The following COL5A2 variants were observed in gnomAD, a reference collection of about 807,000 sequenced individuals.
COL5A2 encodes the protein collagen alpha-2(V) chain.
Under a neutral mutation model 208.2 loss-of-function variants are expected in COL5A2, and 23 were observed. The ratio of observed to expected loss-of-function variants is 0.11; its 90% confidence interval spans 0.08 to 0.16. The LOEUF is 0.16. Among genes scored for constraint, COL5A2 ranks in the 10% least tolerant of loss-of-function variants. COL5A2 has a pLI of 1.00. For synonymous variants in COL5A2, 625 were observed against 628.5 expected, an observed-to-expected ratio of 0.99 and a Z score of 0.08; for missense variants, 1,590 against 1,956.4, an observed-to-expected ratio of 0.81 and a Z score of 3.53.
the COL5A2 span, among the ~76,000 whole-genome samples, chr2:189,317,172 A>G: frequency 6.6e-6 from 1 of 152,110 alleles, no homozygotes; most frequent in Non-Finnish European, 1.5e-5. Flanking sequence ...TATTAATCAA[A>G]ATGTCACAGA....
chr2:189,219,080 C>CA (rs1689315837), intron 1 of COL5A2, among the ~76,000 whole-genome samples: 1 of 152,050 alleles, frequency 6.6e-6, no homozygotes, highest in Non-Finnish European at 1.5e-5. Flanking sequence ...ACTGATGCAG[C>CA]AAAAAAATTG....
upstream of COL5A2, among the ~76,000 whole-genome samples, chr2:189,180,511 G>C (rs1204317846): frequency 2.0e-5 from 3 of 152,044 alleles, no homozygotes; most frequent in African/African-American, 7.2e-5. Flanking sequence ...TCTACCTTTG[G>C]ATGAAAAAAG....
chr2:189,342,197 C>CGTTTTTTT, the COL5A2 span, among the ~76,000 whole-genome samples: 1 of 135,564 alleles, frequency 7.4e-6, no homozygotes, highest in African/African-American at 2.7e-5. Context: ...CTAGTGTGCT[C>CGTTTTTTT]TTTTTTTTTT....
intron 1 of COL5A2, among the ~76,000 whole-genome samples, chr2:189,134,851 A>G (rs1187354989): frequency 7.9e-5 from 12 of 152,208 alleles, no homozygotes; most frequent in Admixed American, 7.9e-4. Context: ...ATTATTTAGA[A>G]AATGAAATTT....
At chr2:189,062,240 A>G (rs186766308) in intron 29 of COL5A2, among the ~76,000 whole-genome samples, 7 of 151,142 alleles carry the variant, frequency 4.6e-5, no homozygotes, top group Admixed American at 4.6e-4. Context: ...CTGGAGTGCA[A>G]CGGTGTAATT....
the COL5A2 span, among the ~76,000 whole-genome samples, chr2:189,348,892 T>C: frequency 5.9e-5 from 9 of 152,166 alleles, no homozygotes; most frequent in Admixed American, 5.2e-4. Flanking sequence ...TTACCAGCCA[T>C]CATTTTTAGT....
At chr2:189,438,926 C>T in the COL5A2 span, among the ~76,000 whole-genome samples, 1 of 152,154 alleles carries the variant, frequency 6.6e-6, no homozygotes, top group Non-Finnish European at 1.5e-5. Flanking sequence ...CTTATTACCT[C>T]TCTGACCTCA....
chr2:189,144,034 G>A (rs1194678056), intron 1 of COL5A2, among the ~76,000 whole-genome samples: 1 of 151,566 alleles, frequency 6.6e-6, no homozygotes, highest in Non-Finnish European at 1.5e-5. Flanking sequence ...TTTAGAGGAG[G>A]AAAAAAAAGA....
chr2:189,154,124 T>C (rs1305155867), intron 1 of COL5A2, among the ~76,000 whole-genome samples: 1 of 152,130 alleles, frequency 6.6e-6, no homozygotes, highest in Non-Finnish European at 1.5e-5. Context: ...CACACACACA[T>C]ACACACATAT....
At chr2:189,255,542 A>G in the COL5A2 span, among the ~76,000 whole-genome samples, 4 of 152,212 alleles carry the variant, frequency 2.6e-5, no homozygotes, top group Non-Finnish European at 5.9e-5. Flanking sequence ...TATATTGCTC[A>G]TGATAAAATA....
the COL5A2 span, among the ~76,000 whole-genome samples, chr2:189,399,831 C>A: frequency 2.6e-5 from 4 of 152,114 alleles, no homozygotes; most frequent in South Asian, 8.3e-4. Context: ...TCTGGAATAG[C>A]TAAGACTAGA....
At chr2:189,220,842 G>A (rs73980187) in intron 1 of COL5A2, among the ~76,000 whole-genome samples, 4,961 of 152,196 alleles carry the variant, frequency 0.033, 88 homozygotes, top group Admixed American at 0.047. Flanking sequence ...CCCATCACTC[G>A]TACCCTGATC....
At chr2:189,040,244 T>G (rs1316888015) in intron 50 of COL5A2, among the ~76,000 whole-genome samples, 8 of 151,672 alleles carry the variant, frequency 5.3e-5, no homozygotes, top group Non-Finnish European at 1.2e-4. Context: ...CACCTTCACC[T>G]CCTGAATAGC....
intron 39 of COL5A2, 21 bp from the exon 40 acceptor site, chr2:189,052,823 G>A (rs1320895923): frequency 3.7e-6 from 6 of 1,613,798 alleles, no homozygotes; most frequent in Non-Finnish European, 5.1e-6. Context: ...ACAAACAAAA[G>A]AGCACTATAG....
chr2:189,144,242 GA>G (rs934491724), intron 1 of COL5A2, among the ~76,000 whole-genome samples: 7 of 151,680 alleles, frequency 4.6e-5, no homozygotes, highest in Admixed American at 2.0e-4. Context: ...AGATGAAAGA[GA>G]AAAAAAAGGT....
chr2:189,383,106 T>C, the COL5A2 span, among the ~76,000 whole-genome samples: 1 of 152,214 alleles, frequency 6.6e-6, no homozygotes, highest in South Asian at 2.1e-4. Context: ...AACATAAGTA[T>C]GTCACAGGTT....
In COL5A2 at chr2:189,072,078, G is replaced by A; in HGVS notation, c.1120C>T (p.Pro374Ser). Reference protein sequence around the residue: ...KPGPMGPLGIPGSSGFPGNPG... With the variant: ...KPGPMGPLGISGSSGFPGNPG... Reference sequence around the variant, plus strand: ...TTTCCTGGAAAACCAGAAGAGCCTGGTATCCCAAGAGGACCCTATTAAAAG... The same window carrying A: ...TTTCCTGGAAAACCAGAAGAGCCTGATATCCCAAGAGGACCCTATTAAAAG... The change falls in exon 18 of 54, where the codon CCA becomes TCA. Residue 374 changes from proline (P) to serine (S), a missense_variant. Transcript: ENST00000374866. The A allele has an allele frequency of 1.2e-6, 2 of 1,608,644 alleles. No individual in the cohort carries two copies. Among genetic ancestry groups the A allele is most frequent in the South Asian group, 1.1e-5 (1 of 90,488 alleles).
At chr2:189,323,168 T>C in the COL5A2 span, among the ~76,000 whole-genome samples, 1 of 152,198 alleles carries the variant, frequency 6.6e-6, no homozygotes, top group African/African-American at 2.4e-5. Flanking sequence ...ATGGGACGTA[T>C]CTCAAAATAA....
intron 1 of COL5A2, among the ~76,000 whole-genome samples, chr2:189,166,894 G>A (rs1688475079): frequency 6.6e-6 from 1 of 152,216 alleles, no homozygotes; most frequent in African/African-American, 2.4e-5. Context: ...AGCTCCCCAT[G>A]AGGCTCGGAA....
Sources: gnomAD v4.1 joint callset for allele counts (sites outside exome capture counted in the v4.1 genomes callset) on GRCh38, gnomAD v4.1.1 for gene constraint, MANE v1.5 for transcripts, NCBI Gene and HGNC (gene_info 2026-07-23, HGNC 2026-07-21) for gene names.